TGM3: variants seen among roughly 807,000 people sequenced by gnomAD.
The protein encoded by TGM3 is transglutaminase 3, also known as protein-glutamine gamma-glutamyltransferase E.
In TGM3, 52 loss-of-function variants were observed where a neutral mutation model predicts 73.8. The ratio of observed to expected loss-of-function variants is 0.70; its 90% CI spans 0.56 to 0.89. The LOEUF is 0.89. TGM3 is among the 40% of genes least tolerant of loss of function. TGM3 has a pLI of 0.00. For missense variants in TGM3, 928 were observed against 909.9 expected (o/e 1.02, Z -0.26); for synonymous variants, 372 against 354.9 (o/e 1.05, Z -0.54).
intron 9 of TGM3, among the ~76,000 whole-genome samples, chr20:2,329,867 T>A (rs1281069239): frequency 6.6e-6 from 1 of 152,166 alleles, no homozygotes; most frequent in Non-Finnish European, 1.5e-5. Context: ...GCAGTGGTGA[T>A]CTTTATCAAT....
chr20:2,297,193 C>T (rs1219308811), intron 1 of TGM3, among the ~76,000 whole-genome samples: 1 of 152,232 alleles, frequency 6.6e-6, no homozygotes, highest in Non-Finnish European at 1.5e-5. Context: ...GAACCTTACA[C>T]ACAGTGAATC....
chr20:2,329,786 G>T (rs1483990666), intron 9 of TGM3, among the ~76,000 whole-genome samples: 1 of 152,194 alleles, frequency 6.6e-6, no homozygotes, highest in African/African-American at 2.4e-5. Context: ...GTCTTCAGCG[G>T]GATTTAAATG....
chr20:2,313,844 C>T (rs996146644), intron 5 of TGM3, among the ~76,000 whole-genome samples: 2 of 151,998 alleles, frequency 1.3e-5, no homozygotes, highest in Non-Finnish European at 2.9e-5. Flanking sequence ...GCCTGGGTAA[C>T]GTAGTGAGAC....
rs214832 is a variant in TGM3 at position 2,341,019 on chromosome 20, T to C, written c.*438T>C. 0.67 allele frequency: 299,483 copies of C among 449,774 alleles called. 102,705 individuals are homozygous for C. The highest frequency in any genetic ancestry group is 0.92 in the East Asian group (13,068 of 14,224). 27.9% of individuals were successfully genotyped at this position (449,774 alleles called of 1,614,324 possible). On this transcript the variant is annotated 3_prime_UTR_variant, in exon 13 of 13. Coordinates refer to ENST00000381458, the MANE Select transcript of TGM3 (RefSeq NM_003245.4). ...ACCACAGAGGGCAGGGGATGGTTAGTCACCTGCCCCAGCACTCACACCCTA... is the reference window on the plus strand; with the variant it reads ...ACCACAGAGGGCAGGGGATGGTTAGCCACCTGCCCCAGCACTCACACCCTA...
chr20:2,298,263 G>A (rs1484513882), intron 1 of TGM3, among the ~76,000 whole-genome samples: 1 of 152,160 alleles, frequency 6.6e-6, no homozygotes, highest in Admixed American at 6.5e-5. Context: ...GGCTGGAAAT[G>A]AAGGTAGTGG....
Position 2,328,265 on chromosome 20 carries a change from G to T in TGM3, c.1233G>T (p.Lys411Asn). The T allele has an allele frequency of 6.2e-7, 1 of 1,614,206 alleles. No individual in the cohort carries two copies. Among genetic ancestry groups the T allele is most frequent in the South Asian group, 1.1e-5 (1 of 91,088 alleles). ...ACAACACCACTGGCAAACAGTGGAA[G>T]AATTCCGTGAACAGTCACACCATTG... Reference protein sequence around the residue: ...LYDNTTGKQWKNSVNSHTIGR... With the variant: ...LYDNTTGKQWNNSVNSHTIGR... The change falls in exon 9 of 13, where the codon AAG becomes AAT. Residue 411 changes from lysine (K) to asparagine (N), a missense_variant. Coordinates refer to ENST00000381458, the MANE Select transcript of TGM3 (RefSeq NM_003245.4). This position sits in a 1 kb window ranked among gnomAD's most constrained non-coding sequence, Gnocchi z 5.2.
At chr20:2,298,301 A>T (rs1325142979) in intron 1 of TGM3, among the ~76,000 whole-genome samples, 3 of 152,182 alleles carry the variant, frequency 2.0e-5, no homozygotes, top group Non-Finnish European at 2.9e-5. Flanking sequence ...ATCCGCACCA[A>T]GTGGCCTGGC....
intron 1 of TGM3, among the ~76,000 whole-genome samples, chr20:2,302,980 G>T (rs2084157914): frequency 2.0e-5 from 3 of 152,172 alleles, no homozygotes; most frequent in Admixed American, 1.3e-4. Flanking sequence ...CACATATTGT[G>T]TGGTTCCATT....
intron 7 of TGM3, among the ~76,000 whole-genome samples, chr20:2,324,701 C>A (rs1313406639): frequency 1.3e-5 from 2 of 152,212 alleles, no homozygotes; most frequent in Admixed American, 1.3e-4. Context: ...TCAGGCTCTG[C>A]TCCTGGTTCC....
In TGM3 at chr20:2,318,547, G is replaced by A. The variant is rs201276346; in HGVS notation, c.983+1062G>A. Among the ~76,000 whole-genome samples the A allele has an allele frequency of 5.4e-4, 82 of 152,188 alleles. No individual in the cohort carries two copies. In the East Asian group the frequency reaches 0.011, roughly 21 times the overall value. ...TTATATCATATACCAAGTTATTACC[G>A]GATGGCAATTGGCAATGATGTCTAT... On this transcript the variant is annotated intron_variant, in intron 7 of 12. Transcript: ENST00000381458.
chr20:2,308,010 C>A (rs1272782592), intron 1 of TGM3, among the ~76,000 whole-genome samples: 2 of 151,998 alleles, frequency 1.3e-5, no homozygotes, highest in East Asian at 3.9e-4. Flanking sequence ...TCACTTGAGC[C>A]CAGGAGTTTG....
At chr20:2,304,402 C>T (rs901483700) in intron 1 of TGM3, among the ~76,000 whole-genome samples, 4 of 152,158 alleles carry the variant, frequency 2.6e-5, no homozygotes, top group African/African-American at 9.7e-5. Context: ...GCAGGCTGTC[C>T]CCTTTGTCCA....
chr20:2,309,959 G>A (rs2084194544), intron 2 of TGM3, 129 bp downstream of exon 2: 4 of 1,422,186 alleles, frequency 2.8e-6, no homozygotes, highest in Non-Finnish European at 3.8e-6. Flanking sequence ...CATTGATTCA[G>A]TGTGGCCTTG....
At chr20:2,298,884 A>C (rs1227856506) in intron 1 of TGM3, among the ~76,000 whole-genome samples, 1 of 152,062 alleles carries the variant, frequency 6.6e-6, no homozygotes, top group African/African-American at 2.4e-5. Flanking sequence ...CATTGTTTGA[A>C]ATGAGGACCA....
chr20:2,297,739 C>T (rs1014351964), intron 1 of TGM3, among the ~76,000 whole-genome samples: 3 of 152,140 alleles, frequency 2.0e-5, no homozygotes, highest in African/African-American at 7.2e-5. Context: ...AGTCACTCAG[C>T]CAGGAAGTTC....
rs193116597 is a variant in TGM3, at chr20:2,334,682, G to A, written c.1643-434G>A. Among the ~76,000 whole-genome samples, 5 of 152,246 alleles carry A rather than the reference G, an allele frequency of 3.3e-5. No individual in the cohort carries two copies. Among genetic ancestry groups the A allele is most frequent in the East Asian group, 1.9e-4 (1 of 5,166 alleles). ...ACTTGTGGCTGGGAGCAGTGCTCAC[G>A]CCTGTAATCCCAACACTTTGGGAGG... On this transcript the variant is annotated intron_variant, in intron 10 of 12. Transcript: ENST00000381458. This position sits in a 1 kb window ranked among gnomAD's most constrained non-coding sequence, Gnocchi z 4.0.
chr20:2,323,250 G>A lies in TGM3; in HGVS notation c.984-2599G>A, dbSNP rs138654828. ...TCTCTGAGTCCCCAAAGTCCATTGC[G>A]TCATTCTTATGCCTTTGCATTCTCA... is the stretch of plus-strand genomic sequence containing the variant. On this transcript the variant is annotated intron_variant, in intron 7 of 12. Coordinates refer to ENST00000381458, the MANE Select transcript of TGM3 (RefSeq NM_003245.4). 3.1e-4 allele frequency among the ~76,000 whole-genome samples: 47 copies of A among 152,222 alleles called. 2 individuals carry two copies. In the South Asian group the frequency reaches 4.6e-3, roughly 15 times the overall value.
rs911280242 is a variant in TGM3 at position 2,328,929 on chromosome 20, T to C, written c.1333+564T>C. 2.0e-5 allele frequency among the ~76,000 whole-genome samples: 3 copies of C among 152,230 alleles called. No individual in the cohort carries two copies. Among genetic ancestry groups the C allele is most frequent in the African/African-American group, 7.2e-5 (3 of 41,468 alleles). Reference sequence around the variant, plus strand: ...AGGCATGCTACATTGCTCGTCCCCCTGAAGTCACCTTGGAAAGCCAGTTGC... The same window carrying C: ...AGGCATGCTACATTGCTCGTCCCCCCGAAGTCACCTTGGAAAGCCAGTTGC... On this transcript the variant is annotated intron_variant, in intron 9 of 12. Transcript: ENST00000381458. This position sits in a 1 kb window ranked among gnomAD's most constrained non-coding sequence, Gnocchi z 5.2.
chr20:2,341,036 C>A lies in TGM3; in HGVS notation c.*455C>A. 2.3e-6 allele frequency: 1 copy of A among 438,756 alleles called. No individual in the cohort carries two copies. The allele number at this position is 438,756 out of a possible 1,614,324, so 27.2% of individuals were successfully genotyped here. A position where few individuals can be genotyped will look rare whatever the true frequency, so the allele number is the denominator to read the frequency against. ...ATGGTTAGTCACCTGCCCCAGCACT[C>A]ACACCCTAACTCAAAATAAATGTTA... On this transcript the variant is annotated 3_prime_UTR_variant, in exon 13 of 13. Coordinates refer to ENST00000381458, the MANE Select transcript of TGM3 (RefSeq NM_003245.4).
Sources: allele counts gnomAD v4.1 joint callset (sites outside exome capture counted in the v4.1 genomes callset), GRCh38; gene constraint gnomAD v4.1.1; non-coding constraint Gnocchi (gnomAD v3.1); transcripts MANE v1.5; gene names NCBI Gene and HGNC (gene_info 2026-07-23, HGNC 2026-07-21).